CEP83: variants seen among roughly 807,000 people sequenced by gnomAD.
The protein encoded by CEP83 is centrosomal protein of 83 kDa.
A neutral mutation model predicts 101.9 loss-of-function variants in CEP83; 70 were observed. The ratio of observed to expected loss-of-function variants is 0.69; its 90% confidence interval spans 0.57 to 0.84. CEP83 has a LOEUF of 0.84. Among genes scored for constraint, CEP83 ranks in the 40% least tolerant of loss-of-function variants. The pLI is 0.00. For missense variants in CEP83, 715 were observed against 787.2 expected (o/e 0.91, Z 1.10); for synonymous variants, 264 against 267.9 (o/e 0.99, Z 0.14).
chr12:94,385,987 G>T (rs757538999), intron 6 of CEP83, among the ~76,000 whole-genome samples: 1 of 152,130 alleles, frequency 6.6e-6, no homozygotes, highest in Non-Finnish European at 1.5e-5. Flanking sequence ...GTAATAGGCT[G>T]TACCATATAG....
At chr12:94,294,856 G>A in the CEP83 span, among the ~76,000 whole-genome samples, 7 of 152,102 alleles carry the variant, frequency 4.6e-5, no homozygotes, top group Admixed American at 4.6e-4. Flanking sequence ...CCTAACAGAG[G>A]AGATCCCCCT....
At chr12:94,442,596 A>C (rs951516682) in intron 1 of CEP83, among the ~76,000 whole-genome samples, 1 of 152,184 alleles carries the variant, frequency 6.6e-6, no homozygotes, top group African/African-American at 2.4e-5. Flanking sequence ...GACTCATATA[A>C]AGTAAAGGTT....
intron 12 of CEP83, 71 bp downstream of exon 12, chr12:94,335,518 T>A: frequency 9.7e-7 from 1 of 1,030,560 alleles, no homozygotes; most frequent in South Asian, 1.5e-5. Context: ...AAAATTTTTT[T>A]AAAATTTGCA....
intron 14 of CEP83, among the ~76,000 whole-genome samples, chr12:94,330,370 A>G (rs1322650813): frequency 2.0e-5 from 3 of 152,126 alleles, no homozygotes; most frequent in Non-Finnish European, 4.4e-5. Flanking sequence ...AATCACCACC[A>G]TAAGTCATGG....
intron 4 of CEP83, chr12:94,407,847 C>G (rs1372678904): frequency 6.6e-6 from 1 of 152,376 alleles, no homozygotes; most frequent in Non-Finnish European, 1.5e-5. Flanking sequence ...GAGAAAGAGT[C>G]TCGCTCTGTC....
chr12:94,436,477 T>C (rs1476047758), intron 1 of CEP83, among the ~76,000 whole-genome samples: 1 of 151,960 alleles, frequency 6.6e-6, no homozygotes, highest in East Asian at 1.9e-4. Context: ...ACTGAACAAG[T>C]AGAAGAATTT....
chr12:94,292,738 T>C, the CEP83 span, among the ~76,000 whole-genome samples: 3 of 152,230 alleles, frequency 2.0e-5, no homozygotes, highest in Admixed American at 1.3e-4. Flanking sequence ...TCAAAGTTTT[T>C]ATTGGGTTTT....
downstream of CEP83, chr12:94,306,772 T>C (rs1159666726): frequency 6.6e-6 from 1 of 152,208 alleles, no homozygotes; most frequent in Non-Finnish European, 1.5e-5. Flanking sequence ...TGGAAAAGCA[T>C]GAGAGAGGTG....
intron 4 of CEP83, among the ~76,000 whole-genome samples, chr12:94,404,703 T>C (rs927222996): frequency 1.3e-5 from 2 of 152,132 alleles, no homozygotes; most frequent in Non-Finnish European, 2.9e-5. Flanking sequence ...TAAAAATTTA[T>C]TTTATTTAAA....
At chr12:94,357,425 T>C (rs2060531099) in intron 11 of CEP83, among the ~76,000 whole-genome samples, 1 of 152,058 alleles carries the variant, frequency 6.6e-6, no homozygotes, top group Non-Finnish European at 1.5e-5. Flanking sequence ...GCCAGAAATA[T>C]GTCCAAAATG....
intron 14 of CEP83, among the ~76,000 whole-genome samples, chr12:94,315,427 G>C (rs1356198186): frequency 6.6e-6 from 1 of 151,958 alleles, no homozygotes; most frequent in Non-Finnish European, 1.5e-5. Context: ...TAAAACTTTT[G>C]AGTAACCTGA....
intron 4 of CEP83, 40 bp from the exon 5 acceptor site, chr12:94,403,302 A>G: frequency 3.3e-6 from 3 of 900,514 alleles, no homozygotes; most frequent in Non-Finnish European, 5.4e-6. Context: ...AAATCACATT[A>G]AAATCAAGAA....
At chr12:94,431,858 T>C (rs763634822) in intron 2 of CEP83, among the ~76,000 whole-genome samples, 34 of 152,180 alleles carry the variant, frequency 2.2e-4, no homozygotes, top group Non-Finnish European at 4.0e-4. Flanking sequence ...GTACAGCTAC[T>C]ATGAAAAACA....
chr12:94,439,402 C>A (rs2066231542), intron 1 of CEP83, among the ~76,000 whole-genome samples: 1 of 152,046 alleles, frequency 6.6e-6, no homozygotes, highest in African/African-American at 2.4e-5. Context: ...CTATGAACAT[C>A]TTTATGCACA....
the CEP83 span, chr12:94,301,042 G>A: frequency 1.2e-6 from 2 of 1,613,768 alleles, no homozygotes; most frequent in South Asian, 2.2e-5. Flanking sequence ...CTCTCACAGA[G>A]CAGCAACTAG....
At chr12:94,400,429 A>C (rs1442964426) in intron 6 of CEP83, among the ~76,000 whole-genome samples, 1 of 152,182 alleles carries the variant, frequency 6.6e-6, no homozygotes, top group Admixed American at 6.5e-5. Context: ...TAAGGTATAA[A>C]CCCCTTGTTT....
intron 2 of CEP83, among the ~76,000 whole-genome samples, chr12:94,425,157 T>A (rs961393805): frequency 1.6e-4 from 24 of 152,062 alleles, no homozygotes; most frequent in Non-Finnish European, 3.2e-4. Flanking sequence ...CTGCCTCTGG[T>A]TCAACTTTTA....
chr12:94,313,231 T>A (rs916896030), intron 14 of CEP83: 20 of 301,132 alleles, frequency 6.6e-5, no homozygotes, highest in Non-Finnish European at 1.2e-5. Flanking sequence ...CAATTAATTA[T>A]GAATGCCAAA....
At chr12:94,305,325 A>C (rs763340906), downstream of CEP83, 3 of 1,268,038 alleles carry the variant, frequency 2.4e-6, no homozygotes, top group Non-Finnish European at 2.3e-6. Context: ...AGTTCTTCAG[A>C]CGACTTGGGA....
Sources: gnomAD v4.1 joint callset for allele counts (sites outside exome capture counted in the v4.1 genomes callset) on GRCh38, gnomAD v4.1.1 for gene constraint, MANE v1.5 for transcripts, NCBI Gene and HGNC (gene_info 2026-07-23, HGNC 2026-07-21) for gene names.